SPATS2L: variants seen among roughly 807,000 people sequenced by gnomAD.
The protein encoded by SPATS2L is SPATS2-like protein.
In SPATS2L, 30 loss-of-function variants were observed where a neutral mutation model predicts 59.6. The observed-to-expected ratio is 0.50, with a 90% CI of 0.38 to 0.68. The LOEUF (loss-of-function observed/expected upper bound fraction) is 0.68, where lower values mean the gene tolerates loss of function less well. Among genes scored for constraint, SPATS2L ranks in the 30% least tolerant of loss-of-function variants. The pLI is 0.00. For synonymous variants in SPATS2L, 252 were observed against 263.5 expected (o/e 0.96, Z 0.42); for missense variants, 615 against 700.0 (o/e 0.88, Z 1.37).
Position 200,479,284 on chromosome 2 carries a change from T to G in SPATS2L, c.*1253T>G, listed in dbSNP as rs764138598. The G allele has an allele frequency of 6.0e-6, 2 of 331,708 alleles. No homozygotes were observed. Among genetic ancestry groups the G allele is most frequent in the Non-Finnish European group, 1.1e-5 (2 of 184,078 alleles). The allele number at this position is 331,708 out of a possible 1,614,324, so 20.5% of individuals were successfully genotyped here. A position where few individuals can be genotyped will look rare whatever the true frequency, so the allele number is the denominator to read the frequency against. On this transcript the variant is annotated 3_prime_UTR_variant, in exon 13 of 13. Transcript: ENST00000409140. ...TCAGAATTGTGGCAAAGGGCCACCA[T>G]GCTCTTAAGACTCAAGTCTATTTTC...
At chr2:200,313,362 TAAAG>T (rs1010156699) in intron 1 of SPATS2L, among the ~76,000 whole-genome samples, 11 of 152,174 alleles carry the variant, frequency 7.2e-5, no homozygotes, top group East Asian at 1.9e-4. Flanking sequence ...GTAGTACTAT[TAAAG>T]AGAGAGAAAG....
At chr2:200,365,607 G>A (rs940665837) in intron 2 of SPATS2L, among the ~76,000 whole-genome samples, 4 of 152,134 alleles carry the variant, frequency 2.6e-5, no homozygotes, top group African/African-American at 9.7e-5. Context: ...CTTATTCTTA[G>A]GGTATTTATT....
intron 8 of SPATS2L, among the ~76,000 whole-genome samples, chr2:200,445,309 C>T (rs1406935031): frequency 6.6e-6 from 1 of 151,974 alleles, no homozygotes; most frequent in Non-Finnish European, 1.5e-5. Flanking sequence ...TGAGACCCTG[C>T]CTCAAAAAAT....
chr2:200,415,950 A>C (rs2083040582), intron 4 of SPATS2L, among the ~76,000 whole-genome samples: 1 of 152,146 alleles, frequency 6.6e-6, no homozygotes, highest in Admixed American at 6.5e-5. Flanking sequence ...AAGAGAAAGA[A>C]TGGCCAAACA....
intron 6 of SPATS2L, among the ~76,000 whole-genome samples, chr2:200,435,217 A>G (rs1341993936): frequency 6.6e-6 from 1 of 152,180 alleles, no homozygotes; most frequent in Non-Finnish European, 1.5e-5. Flanking sequence ...TCAGAAACCA[A>G]CGTGATACTC....
chr2:200,475,218 G>A (rs2087422527), intron 12 of SPATS2L, among the ~76,000 whole-genome samples: 1 of 152,164 alleles, frequency 6.6e-6, no homozygotes, highest in Middle Eastern at 3.2e-3. Flanking sequence ...TCAGACATAT[G>A]GTGTGTGAAC....
rs943673796 is a variant in SPATS2L at position 200,481,194 on chromosome 2, C to G, written c.*3163C>G. ...TTCACCCTCAGTGGAGGACTAGAAA[C>G]ACAACATGTCCAATTTAAAGCTCAG... On this transcript the variant is annotated 3_prime_UTR_variant, in exon 13 of 13. Transcript: ENST00000409140. 6.6e-6 allele frequency: 1 copy of G among 152,218 alleles called. No individual in the cohort carries two copies. The highest frequency in any genetic ancestry group is 1.5e-5 in the Non-Finnish European group (1 of 68,034). 9.4% of individuals were successfully genotyped at this position (152,218 alleles called of 1,614,324 possible).
At chr2:200,429,154 C>G (rs1261739827) in intron 6 of SPATS2L, among the ~76,000 whole-genome samples, 2 of 152,150 alleles carry the variant, frequency 1.3e-5, no homozygotes, top group African/African-American at 2.4e-5. Flanking sequence ...ATGCTGGTCT[C>G]TGTTTGGGCC....
In SPATS2L at chr2:200,419,385, GAGA is replaced by G; in HGVS notation, c.337_339del (p.Lys113del). The G allele has an allele frequency of 6.2e-7, 1 of 1,613,314 alleles. No homozygotes were observed. The highest frequency in any genetic ancestry group is 8.5e-7 in the Non-Finnish European group (1 of 1,179,666). Reference sequence around the variant, plus strand: ...TCAAAACGGCCCCATGAATGGCTGCGAGAAGGACAGCTCGTCCACAGATTCTGC... The same window carrying G: ...TCAAAACGGCCCCATGAATGGCTGCGAGGACAGCTCGTCCACAGATTCTGC... On this transcript the variant is annotated inframe_deletion, in exon 6 of 13. Transcript: ENST00000409140.
intron 1 of SPATS2L, among the ~76,000 whole-genome samples, chr2:200,324,752 A>G (rs1233427093): frequency 6.6e-6 from 1 of 152,218 alleles, no homozygotes; most frequent in African/African-American, 2.4e-5. Context: ...TTGTGTGGCA[A>G]ATTCCATTAT....
chr2:200,401,365 G>C (rs1007631696), intron 3 of SPATS2L, among the ~76,000 whole-genome samples: 11 of 152,140 alleles, frequency 7.2e-5, no homozygotes, highest in Admixed American at 2.0e-4. Context: ...CAAAATTTTG[G>C]ACACTTGTTA....
chr2:200,467,260 C>A, intron 9 of SPATS2L, 30 bp from the exon 10 acceptor site: 2 of 1,412,702 alleles, frequency 1.4e-6, no homozygotes, highest in Non-Finnish European at 2.0e-6. Context: ...AATCTCTGGC[C>A]CTAATGTATG....
rs532504856 is a variant in SPATS2L, at chr2:200,471,441, A to G, written c.1061-1391A>G. Among the ~76,000 whole-genome samples, 3 of 151,952 alleles carry G rather than the reference A, an allele frequency of 2.0e-5. No homozygotes were observed. The East Asian group carries it at 5.8e-4, about 29-fold the overall frequency. On this transcript the variant is annotated intron_variant, in intron 11 of 12. Transcript: ENST00000409140. ...GTCACCACCGATCTCGGGGCGATGG[A>G]GAGGTGCCCCTTCACCTCCTTTCCT... is the stretch of plus-strand genomic sequence containing the variant.
chr2:200,438,706 G>C (rs553719904), intron 6 of SPATS2L, among the ~76,000 whole-genome samples: 40 of 152,234 alleles, frequency 2.6e-4, no homozygotes, highest in Admixed American at 9.2e-4. Flanking sequence ...TGTAGCACTT[G>C]GAGATAGGAG....
At chr2:200,420,828 T>A (rs2083280245) in intron 6 of SPATS2L, among the ~76,000 whole-genome samples, 1 of 152,158 alleles carries the variant, frequency 6.6e-6, no homozygotes, top group African/African-American at 2.4e-5. Context: ...GATTAATTCT[T>A]TGTTGTGTAT....
At chr2:200,306,512 G>T, upstream of SPATS2L, 1 of 1,002,510 alleles carries the variant, frequency 1.0e-6, no homozygotes, top group Non-Finnish European at 1.2e-6. Flanking sequence ...CAGAACGTGC[G>T]TGTGAGCGGA....
In SPATS2L at chr2:200,355,551, T is replaced by C. The variant is rs544782729; in HGVS notation, c.-23+26071T>C. 1.2e-4 allele frequency among the ~76,000 whole-genome samples: 18 copies of C among 152,280 alleles called. 1 individual carries two copies. The East Asian group carries it at 2.9e-3, about 24-fold the overall frequency. On this transcript the variant is annotated intron_variant, in intron 2 of 12. Coordinates refer to ENST00000409140, the MANE Select transcript of SPATS2L (RefSeq NM_001100423.2). ...TTTCTGTTTCACTCTTTACAAAAGG[T>C]TTCCACACACGATTGTTCTTCACAG...
rs1251578071 is a variant in SPATS2L at position 200,341,979 on chromosome 2, C to T, written c.-23+12499C>T. 2.6e-5 allele frequency among the ~76,000 whole-genome samples: 4 copies of T among 152,130 alleles called. No individual in the cohort carries two copies. The East Asian group carries it at 5.8e-4, about 22-fold the overall frequency. On this transcript the variant is annotated intron_variant, in intron 2 of 12. Transcript: ENST00000409140. ...CTGGGATTACAGGCGTGAGCCACCG[C>T]GCCCGGCCAACTATAACATTTGTAA... is the stretch of plus-strand genomic sequence containing the variant.
intron 3 of SPATS2L, among the ~76,000 whole-genome samples, chr2:200,408,423 A>G (rs2082762816): frequency 6.6e-6 from 1 of 152,182 alleles, no homozygotes; most frequent in Non-Finnish European, 1.5e-5. Context: ...ATTGCAGGGG[A>G]GAGACTGGAA....
Sources: gnomAD v4.1 joint callset for allele counts (sites outside exome capture counted in the v4.1 genomes callset) on GRCh38, gnomAD v4.1.1 for gene constraint, MANE v1.5 for transcripts, NCBI Gene and HGNC (gene_info 2026-07-23, HGNC 2026-07-21) for gene names.